PREX2: variants seen among roughly 807,000 people sequenced by gnomAD.
The protein encoded by PREX2 is phosphatidylinositol 3,4,5-trisphosphate-dependent Rac exchanger 2 protein.
Under a neutral mutation model 203.2 loss-of-function variants are expected in PREX2, and 107 were observed. That is an observed-to-expected ratio of 0.53 (90% CI 0.45 to 0.62). The LOEUF (loss-of-function observed/expected upper bound fraction) is 0.62. Ranked by LOEUF, PREX2 falls within the 20% of genes least tolerant of loss-of-function variation. PREX2 has a pLI of 0.00. For synonymous variants in PREX2, 672 were observed against 663.6 expected (o/e 1.01, Z -0.19); for missense variants, 1,777 against 1,955.9 (o/e 0.91, Z 1.72).
intron 34 of PREX2, among the ~76,000 whole-genome samples, chr8:68,152,545 T>C (rs1435038968): frequency 6.6e-6 from 1 of 152,094 alleles, no homozygotes; most frequent in Non-Finnish European, 1.5e-5. Context: ...GCCAATTAAA[T>C]GCTTTCAAAT....
intron 8 of PREX2, among the ~76,000 whole-genome samples, chr8:68,050,190 A>G (rs189776766): frequency 6.6e-6 from 1 of 152,278 alleles, no homozygotes; most frequent in East Asian, 1.9e-4. Context: ...CTGTTCTTTT[A>G]AAATACTAGT....
intron 35 of PREX2, among the ~76,000 whole-genome samples, chr8:68,189,710 CCTGGGGTTG>C (rs1440092149): frequency 6.6e-6 from 1 of 152,132 alleles, no homozygotes; most frequent in Non-Finnish European, 1.5e-5. Context: ...TGGGTTGCTG[CCTGGGGTTG>C]CTGTAGCCCC....
At chr8:68,182,611 T>G (rs1400976132) in intron 35 of PREX2, among the ~76,000 whole-genome samples, 1 of 152,038 alleles carries the variant, frequency 6.6e-6, no homozygotes, top group African/African-American at 2.4e-5. Flanking sequence ...ATTTTATGTA[T>G]ATATATAGTT....
rs540126962 is a variant in PREX2, at chr8:68,071,729, G to A, written c.1494-766G>A. ...GCCAGTTGATCCTCTTGGTTCTCTG[G>A]GGATGTAGTATCACTATGTCCATGA... On this transcript the variant is annotated intron_variant, in intron 13 of 39. Transcript: ENST00000288368. 5.9e-5 allele frequency among the ~76,000 whole-genome samples: 9 copies of A among 152,086 alleles called. No individual in the cohort carries two copies. In the East Asian group the frequency reaches 1.7e-3, roughly 30 times the overall value.
At chr8:68,071,246 A>AT (rs1809186469) in intron 13 of PREX2, among the ~76,000 whole-genome samples, 1 of 152,172 alleles carries the variant, frequency 6.6e-6, no homozygotes, top group Non-Finnish European at 1.5e-5. Context: ...TCAAGAGAGA[A>AT]TTTATGGGAA....
intron 26 of PREX2, among the ~76,000 whole-genome samples, 167 bp downstream of exon 26, chr8:68,116,099 A>G (rs1810652354): frequency 6.6e-6 from 1 of 152,222 alleles, no homozygotes; most frequent in Non-Finnish European, 1.5e-5. Flanking sequence ...GGACAATGTA[A>G]TATTTCAAAT....
chr8:68,190,959 G>T (rs1812281380), intron 35 of PREX2, among the ~76,000 whole-genome samples: 1 of 151,948 alleles, frequency 6.6e-6, no homozygotes, highest in Non-Finnish European at 1.5e-5. Context: ...CAGGCCACTA[G>T]GATTCCACTT....
intron 35 of PREX2, among the ~76,000 whole-genome samples, chr8:68,161,377 G>A (rs1174202912): frequency 1.3e-5 from 2 of 152,200 alleles, no homozygotes; most frequent in African/African-American, 4.8e-5. Context: ...ACAAGCGTGA[G>A]CCACCATGCC....
intron 14 of PREX2, among the ~76,000 whole-genome samples, chr8:68,077,191 C>T (rs541609056): frequency 6.6e-6 from 1 of 152,260 alleles, no homozygotes; most frequent in Non-Finnish European, 1.5e-5. Context: ...AATATTAAAT[C>T]TTTGTTTTAC....
chr8:68,196,485 A>G (rs1179087843), intron 37 of PREX2, among the ~76,000 whole-genome samples: 1 of 148,594 alleles, frequency 6.7e-6, no homozygotes, highest in African/African-American at 2.5e-5. Context: ...GTACATATAT[A>G]TATATGTACA....
chr8:67,995,287 A>G (rs1204856554), intron 1 of PREX2, among the ~76,000 whole-genome samples: 1 of 152,172 alleles, frequency 6.6e-6, no homozygotes, highest in Non-Finnish European at 1.5e-5. Flanking sequence ...TATTTTCACT[A>G]GTATGTTATC....
intron 4 of PREX2, 67 bp downstream of exon 4, chr8:68,022,207 T>G (rs1807589747): frequency 1.2e-6 from 1 of 804,924 alleles, no homozygotes; most frequent in African/African-American, 1.7e-5. Context: ...AGCCAAGGAA[T>G]AGCATCAATA....
chr8:68,093,480 ATC>A (rs1563541375), intron 20 of PREX2, 123 bp from the exon 21 acceptor site: 2 of 514,634 alleles, frequency 3.9e-6, no homozygotes, highest in African/African-American at 3.9e-5. Flanking sequence ...TGTTAATTGT[ATC>A]TCTCTTTCAA....
At chr8:68,054,300 CAAAT>C (rs1401394009) in intron 9 of PREX2, among the ~76,000 whole-genome samples, 1 of 149,604 alleles carries the variant, frequency 6.7e-6, no homozygotes, top group African/African-American at 2.5e-5. Flanking sequence ...GAATAGCAAA[CAAAT>C]AGTTAAAAGG....
At chr8:68,171,952 A>G (rs1200111736) in intron 35 of PREX2, among the ~76,000 whole-genome samples, 1 of 152,280 alleles carries the variant, frequency 6.6e-6, no homozygotes, top group East Asian at 1.9e-4. Context: ...ATTAACGAGA[A>G]ACATTCCAGA....
At chr8:68,074,501 CTT>C (rs939282317) in intron 14 of PREX2, among the ~76,000 whole-genome samples, 1 of 152,148 alleles carries the variant, frequency 6.6e-6, no homozygotes, top group Non-Finnish European at 1.5e-5. Context: ...ATCACCGAAA[CTT>C]TATGATTCTG....
At chr8:68,105,305 C>T (rs1477129804) in intron 23 of PREX2, 1 of 1,367,676 alleles carries the variant, frequency 7.3e-7, no homozygotes, top group East Asian at 4.5e-5. Context: ...GACAGCACTG[C>T]ATTCCTGAGG....
intron 8 of PREX2, among the ~76,000 whole-genome samples, chr8:68,050,860 A>G (rs1002186396): frequency 3.9e-5 from 6 of 152,200 alleles, no homozygotes; most frequent in African/African-American, 1.4e-4. Flanking sequence ...TGGGGAATAT[A>G]TAAGTATTCA....
At chr8:68,213,636 T>C (rs547655727) in intron 37 of PREX2, among the ~76,000 whole-genome samples, 159 of 152,376 alleles carry the variant, frequency 1.0e-3, no homozygotes, top group Non-Finnish European at 1.9e-3. Context: ...AAAACTGTGC[T>C]AAATATCTGA....
Sources: allele counts gnomAD v4.1 joint callset (sites outside exome capture counted in the v4.1 genomes callset), GRCh38; gene constraint gnomAD v4.1.1; transcripts MANE v1.5; gene names NCBI Gene and HGNC (gene_info 2026-07-23, HGNC 2026-07-21).